CERKL: variants seen among roughly 807,000 people sequenced by gnomAD.
CERKL encodes ceramide kinase-like protein.
A neutral mutation model predicts 63.4 loss-of-function variants in CERKL; 61 were observed. The observed-to-expected ratio is 0.96, with a 90% CI of 0.78 to 1.19. The LOEUF (loss-of-function observed/expected upper bound fraction) is 1.19, where lower values mean the gene tolerates loss of function less well. Among genes scored for constraint, CERKL ranks in the 50% most tolerant of loss-of-function variants. CERKL has a pLI of 0.00. For missense variants in CERKL, 675 were observed against 655.5 expected (o/e 1.03, Z -0.33); for synonymous variants, 250 against 230.5 (o/e 1.08, Z -0.77).
intron 1 of CERKL, among the ~76,000 whole-genome samples, chr2:181,650,311 A>C (rs981687297): frequency 2.0e-5 from 3 of 152,236 alleles, no homozygotes; most frequent in Non-Finnish European, 2.9e-5. Flanking sequence ...TCTTGAGACA[A>C]GTGAGAATGA....
chr2:181,575,674 G>A (rs1689103216), intron 2 of CERKL, among the ~76,000 whole-genome samples: 1 of 152,144 alleles, frequency 6.6e-6, no homozygotes, highest in Non-Finnish European at 1.5e-5. Flanking sequence ...GAAAATTTTA[G>A]GCAGTGAGAG....
chr2:181,618,089 T>A (rs1043339081), intron 1 of CERKL, among the ~76,000 whole-genome samples: 2 of 151,942 alleles, frequency 1.3e-5, no homozygotes, highest in African/African-American at 2.4e-5. Context: ...AGGAACAGAG[T>A]GTGGAATGAT....
chr2:181,594,985 G>T lies in CERKL; in HGVS notation c.481+8852C>A, dbSNP rs922140506. Reference sequence around the variant, plus strand: ...TTTGTTGCCTAATTTAAAGTATTATGTATTTCCTATTTATTCATACTGTGA... The same window carrying T: ...TTTGTTGCCTAATTTAAAGTATTATTTATTTCCTATTTATTCATACTGTGA... On this transcript the variant is annotated intron_variant, in intron 2 of 12. Coordinates refer to ENST00000410087, the MANE Select transcript of CERKL (RefSeq NM_201548.5). Among the ~76,000 whole-genome samples, 2 of 152,030 alleles carry T rather than the reference G, an allele frequency of 1.3e-5. 1 individual carries two copies. Among genetic ancestry groups the T allele is most frequent in the Non-Finnish European group, 2.9e-5 (2 of 68,008 alleles).
intron 1 of CERKL, among the ~76,000 whole-genome samples, chr2:181,618,088 G>C (rs1376796969): frequency 6.6e-6 from 1 of 152,194 alleles, no homozygotes; most frequent in Non-Finnish European, 1.5e-5. Context: ...TAGGAACAGA[G>C]TGTGGAATGA....
intron 10 of CERKL, 99 bp from the exon 11 acceptor site, chr2:181,544,895 G>C: frequency 1.5e-6 from 1 of 670,576 alleles, no homozygotes; most frequent in Non-Finnish European, 2.6e-6. Context: ...ACTGTTTACT[G>C]AAAGTATTGG....
chr2:181,609,617 A>G (rs1229965440), intron 1 of CERKL, among the ~76,000 whole-genome samples: 1 of 150,724 alleles, frequency 6.6e-6, no homozygotes, highest in Non-Finnish European at 1.5e-5. Context: ...GAGGCAGGAG[A>G]ATCCCTTGAA....
chr2:181,540,003 C>T (rs906868318), intron 11 of CERKL, among the ~76,000 whole-genome samples: 4 of 152,154 alleles, frequency 2.6e-5, no homozygotes, highest in African/African-American at 7.2e-5. Flanking sequence ...AGATACATTC[C>T]TAATTAAACA....
chr2:181,603,936 T>C lies in CERKL; in HGVS notation c.382A>G (p.Lys128Glu). The C allele has an allele frequency of 6.2e-7, 1 of 1,613,312 alleles. No homozygotes were observed. The highest frequency in any genetic ancestry group is 8.5e-7 in the Non-Finnish European group (1 of 1,179,652). The part of the protein sequence containing the change: ...LGITLFICLK[K>E]EQNKLKNSTL... Reference sequence around the variant, plus strand: ...GAATTCTTTAGTTTATTTTGTTCCTTTTTCAAGCAGATGAAGAGTGTGATA... The same window carrying C: ...GAATTCTTTAGTTTATTTTGTTCCTCTTTCAAGCAGATGAAGAGTGTGATA... Residue 128 changes from lysine to glutamate, a missense_variant, in exon 2 of 13, where the codon AAG becomes GAG. Coordinates refer to ENST00000410087, the MANE Select transcript of CERKL (RefSeq NM_201548.5).
In CERKL at chr2:181,603,832, C is replaced by T. The variant is rs1471346270; in HGVS notation, c.481+5G>A. ...TGATTAAAATTTCCCATGAGGAGTACTTACCTGCCAATATTTTCTTGAACT... is the reference window on the plus strand; with the variant it reads ...TGATTAAAATTTCCCATGAGGAGTATTTACCTGCCAATATTTTCTTGAACT... On this transcript the variant is annotated splice_donor_5th_base_variant and intron_variant, in intron 2 of 12. Coordinates refer to ENST00000410087, the MANE Select transcript of CERKL (RefSeq NM_201548.5). The T allele has an allele frequency of 6.2e-7, 1 of 1,613,076 alleles. No homozygotes were observed. The highest frequency in any genetic ancestry group is 8.5e-7 in the Non-Finnish European group (1 of 1,179,406).
At chr2:181,655,734 G>C (rs1440260033) in intron 1 of CERKL, among the ~76,000 whole-genome samples, 1 of 152,130 alleles carries the variant, frequency 6.6e-6, no homozygotes, top group African/African-American at 2.4e-5. Context: ...TTCCAACAGG[G>C]GAAGGCAATT....
intron 5 of CERKL, among the ~76,000 whole-genome samples, chr2:181,554,504 A>G (rs1409132985): frequency 6.6e-6 from 1 of 152,176 alleles, no homozygotes; most frequent in Admixed American, 6.6e-5. Flanking sequence ...GCCTTGTTTT[A>G]CAACAACTGG....
At chr2:181,600,153 A>T (rs1050138295) in intron 2 of CERKL, among the ~76,000 whole-genome samples, 11 of 152,188 alleles carry the variant, frequency 7.2e-5, no homozygotes, top group African/African-American at 2.7e-4. Context: ...GCAAGAAAAC[A>T]CTAAGGGAAT....
chr2:181,634,080 A>G (rs545017567), intron 1 of CERKL, among the ~76,000 whole-genome samples: 1 of 152,320 alleles, frequency 6.6e-6, no homozygotes, highest in South Asian at 2.1e-4. Context: ...TCATCATGAA[A>G]AAGGTATTTT....
At chr2:181,604,123 T>C (rs370562173) in intron 1 of CERKL, 44 bp from the exon 2 acceptor site, 35 of 1,521,012 alleles carry the variant, frequency 2.3e-5, no homozygotes, top group African/African-American at 1.7e-4. Context: ...TTGTGTTTCA[T>C]AGAGAGGAAC....
chr2:181,595,399 A>G lies in CERKL; in HGVS notation c.481+8438T>C, dbSNP rs966158505. Among the ~76,000 whole-genome samples, 9 of 152,336 alleles carry G rather than the reference A, an allele frequency of 5.9e-5. No homozygotes were observed. In the South Asian group the frequency reaches 1.9e-3, roughly 32 times the overall value. On this transcript the variant is annotated intron_variant, in intron 2 of 12. Transcript: ENST00000410087. Reference sequence around the variant, plus strand: ...CTTCAAGAGTTTGGAGTTCTGAATCATCATGATTAGAAAAGAACACTAGAG... The same window carrying G: ...CTTCAAGAGTTTGGAGTTCTGAATCGTCATGATTAGAAAAGAACACTAGAG...
At chr2:181,620,947 G>A (rs1686423011) in intron 1 of CERKL, among the ~76,000 whole-genome samples, 1 of 152,148 alleles carries the variant, frequency 6.6e-6, no homozygotes, top group Non-Finnish European at 1.5e-5. Flanking sequence ...AAGGGAAGGT[G>A]ATAAGCAATT....
At chr2:181,652,070 C>T (rs1050379708) in intron 1 of CERKL, among the ~76,000 whole-genome samples, 10 of 151,978 alleles carry the variant, frequency 6.6e-5, no homozygotes, top group African/African-American at 2.4e-4. Flanking sequence ...TTAAAATGGC[C>T]ATACTACCCA....
At chr2:181,583,114 T>C (rs1234044427) in intron 2 of CERKL, among the ~76,000 whole-genome samples, 1 of 151,760 alleles carries the variant, frequency 6.6e-6, no homozygotes. Context: ...TAACCCCAGT[T>C]GCGAAGTAAC....
At chr2:181,543,916 G>A (rs1481522971) in intron 11 of CERKL, among the ~76,000 whole-genome samples, 3 of 151,020 alleles carry the variant, frequency 2.0e-5, no homozygotes, top group Admixed American at 2.0e-4. Context: ...CGTGGGAGGT[G>A]GAGGTTGCAG....
Sources: allele counts gnomAD v4.1 joint callset (sites outside exome capture counted in the v4.1 genomes callset), GRCh38; gene constraint gnomAD v4.1.1; transcripts MANE v1.5; gene names NCBI Gene and HGNC (gene_info 2026-07-23, HGNC 2026-07-21).